Variants in GALNT13 observed in about 807,000 individuals in gnomAD.
GALNT13 encodes UDP-GalNAc:polypeptide N-acetylgalactosaminyltransferase 13.
In GALNT13, 28 loss-of-function variants were observed where a neutral mutation model predicts 64.2. That is an observed-to-expected ratio of 0.44 (90% CI 0.32 to 0.60). GALNT13 has a LOEUF of 0.60. Ranked by LOEUF, GALNT13 falls within the 20% of genes least tolerant of loss-of-function variation. GALNT13 has a pLI of 0.05. For synonymous variants in GALNT13, 214 were observed against 224.6 expected, an observed-to-expected ratio of 0.95 and a Z score of 0.42; for missense variants, 577 against 669.8, an observed-to-expected ratio of 0.86 and a Z score of 1.53.
intron 7 of GALNT13, among the ~76,000 whole-genome samples, chr2:154,253,598 T>C (rs765281284): frequency 6.6e-6 from 1 of 152,144 alleles, no homozygotes; most frequent in African/African-American, 2.4e-5. Context: ...CTGGGCAGTA[T>C]AGTGAGACCC....
chr2:153,234,431 T>G, the GALNT13 span, among the ~76,000 whole-genome samples: 1 of 152,124 alleles, frequency 6.6e-6, no homozygotes. Flanking sequence ...GGCAGCTGTT[T>G]GGTACTCTAG....
the GALNT13 span, among the ~76,000 whole-genome samples, chr2:153,265,129 T>C: frequency 7.9e-5 from 12 of 152,168 alleles, no homozygotes; most frequent in African/African-American, 1.4e-4. Context: ...CAAGCTGTGC[T>C]GTTTGAGGTT....
rs72999308 is a variant in GALNT13 at position 154,320,059 on chromosome 2, A to C, written c.1156+18470A>C. ...GTCCTAATTTTGAGTAACTTATGTAATAACAGACTATTATTTCTATGGATA... is the reference window on the plus strand; with the variant it reads ...GTCCTAATTTTGAGTAACTTATGTACTAACAGACTATTATTTCTATGGATA... On this transcript the variant is annotated intron_variant, in intron 9 of 12. Transcript: ENST00000392825. Among the ~76,000 whole-genome samples, 768 of 152,194 alleles carry C rather than the reference A, an allele frequency of 5.0e-3. 7 individuals are homozygous for C. Among genetic ancestry groups the C allele is most frequent in the African/African-American group, 0.018 (734 of 41,534 alleles).
the GALNT13 span, among the ~76,000 whole-genome samples, chr2:153,236,380 A>G: frequency 6.6e-6 from 1 of 152,264 alleles, no homozygotes; most frequent in South Asian, 2.1e-4. Flanking sequence ...AAAAGAGGCC[A>G]TCTAGGACTT....
chr2:153,237,641 G>T, the GALNT13 span, among the ~76,000 whole-genome samples: 1 of 152,048 alleles, frequency 6.6e-6, no homozygotes, highest in Non-Finnish European at 1.5e-5. Context: ...CATCCATGTT[G>T]TTGCAAATGA....
the GALNT13 span, among the ~76,000 whole-genome samples, chr2:153,488,093 C>T: frequency 6.6e-6 from 1 of 152,166 alleles, no homozygotes; most frequent in African/African-American, 2.4e-5. Flanking sequence ...GGTGGCTTCT[C>T]ATTTCTAGAA....
At chr2:154,057,622 CAT>C (rs1699961813) in intron 3 of GALNT13, among the ~76,000 whole-genome samples, 1 of 152,110 alleles carries the variant, frequency 6.6e-6, no homozygotes, top group African/African-American at 2.4e-5. Context: ...AGTAGGATCA[CAT>C]AATCCAGCTC....
At chr2:153,667,747 C>T in the GALNT13 span, among the ~76,000 whole-genome samples, 20,665 of 152,086 alleles carry the variant, frequency 0.14, 1,876 homozygotes, top group East Asian at 0.48. Flanking sequence ...GCTAACAACA[C>T]GATGACAAGG....
chr2:153,369,456 T>C, the GALNT13 span, among the ~76,000 whole-genome samples: 4 of 152,164 alleles, frequency 2.6e-5, no homozygotes, highest in South Asian at 4.2e-4. Flanking sequence ...ATTACCAATA[T>C]CAGAAACAAA....
At chr2:153,386,247 T>A in the GALNT13 span, among the ~76,000 whole-genome samples, 4 of 152,032 alleles carry the variant, frequency 2.6e-5, no homozygotes, top group African/African-American at 9.7e-5. Flanking sequence ...TAAGGGCAAT[T>A]TTAATTGGAT....
At chr2:153,943,084 CT>C (rs1308963155) in intron 2 of GALNT13, among the ~76,000 whole-genome samples, 2 of 152,090 alleles carry the variant, frequency 1.3e-5, no homozygotes, top group African/African-American at 2.4e-5. Context: ...TATGTTTTGT[CT>C]GATTTACTTA....
the GALNT13 span, among the ~76,000 whole-genome samples, chr2:153,529,495 T>C: frequency 6.6e-6 from 1 of 152,040 alleles, no homozygotes; most frequent in Middle Eastern, 3.4e-3. Flanking sequence ...AAAGAGTAAC[T>C]AATACCAATC....
chr2:153,761,365 G>A, the GALNT13 span: 2 of 152,010 alleles, frequency 1.3e-5, no homozygotes, highest in African/African-American at 2.4e-5. Context: ...ACAATAGCAG[G>A]TAGTGAACAC....
chr2:153,707,666 G>A, the GALNT13 span, among the ~76,000 whole-genome samples: 14 of 152,190 alleles, frequency 9.2e-5, no homozygotes, highest in South Asian at 2.1e-3. Flanking sequence ...CATGCTCCTC[G>A]TCTACCACTT....
chr2:154,142,228 T>A (rs1683295492), intron 4 of GALNT13, among the ~76,000 whole-genome samples: 1 of 152,148 alleles, frequency 6.6e-6, no homozygotes, highest in Admixed American at 6.5e-5. Context: ...TAACTCTTAT[T>A]TTTTTCTTTC....
chr2:153,189,532 G>A, the GALNT13 span, among the ~76,000 whole-genome samples: 1 of 152,004 alleles, frequency 6.6e-6, no homozygotes. Flanking sequence ...CCGTATTTTG[G>A]CAATTGTGAA....
At chr2:153,367,570 C>A in the GALNT13 span, among the ~76,000 whole-genome samples, 62 of 152,014 alleles carry the variant, frequency 4.1e-4, no homozygotes, top group African/African-American at 1.4e-3. Flanking sequence ...ATGCAGGTGG[C>A]CTTTAGAAGC....
the GALNT13 span, among the ~76,000 whole-genome samples, chr2:153,652,315 TGGAC>T: frequency 1.3e-5 from 2 of 152,088 alleles, no homozygotes; most frequent in Non-Finnish European, 2.9e-5. Context: ...ATGAAACAAA[TGGAC>T]TTATAAATTT....
the GALNT13 span, among the ~76,000 whole-genome samples, chr2:153,630,643 T>C: frequency 1.0e-4 from 15 of 143,920 alleles, no homozygotes; most frequent in South Asian, 2.4e-3. Context: ...AAACTTAAAG[T>C]ATAATTATAA....
Sources: gnomAD v4.1 joint callset for allele counts (sites outside exome capture counted in the v4.1 genomes callset) on GRCh38, gnomAD v4.1.1 for gene constraint, MANE v1.5 for transcripts, NCBI Gene and HGNC (gene_info 2026-07-23, HGNC 2026-07-21) for gene names.